Variants in FHAD1 observed in about 807,000 individuals in gnomAD.
FHAD1 encodes the protein forkhead-associated domain-containing protein 1.
A neutral mutation model predicts 191.3 loss-of-function variants in FHAD1; 146 were observed. The observed-to-expected ratio is 0.76, with a 90% CI of 0.67 to 0.88. FHAD1 has a LOEUF of 0.88. Among genes scored for constraint, FHAD1 ranks in the 40% least tolerant of loss-of-function variants. The pLI is 0.00. For synonymous variants in FHAD1, 616 were observed against 672.3 expected, an observed-to-expected ratio of 0.92 and a Z score of 1.29; for missense variants, 1,635 against 1,785.8, an observed-to-expected ratio of 0.92 and a Z score of 1.52.
chr1:15,303,748 C>G (rs1387681838), intron 6 of FHAD1, among the ~76,000 whole-genome samples: 1 of 151,446 alleles, frequency 6.6e-6, no homozygotes, highest in African/African-American at 2.4e-5. Flanking sequence ...ACTTGGGAGG[C>G]TGAGGCAGGA....
chr1:15,392,455 C>A (rs1301919147), intron 33 of FHAD1, among the ~76,000 whole-genome samples: 1 of 152,152 alleles, frequency 6.6e-6, no homozygotes, highest in Non-Finnish European at 1.5e-5. Context: ...TGGTGTGAAC[C>A]TGGGAGGCGG....
chr1:15,351,535 G>A (rs952430784), intron 19 of FHAD1, among the ~76,000 whole-genome samples: 1 of 152,150 alleles, frequency 6.6e-6, no homozygotes, highest in African/African-American at 2.4e-5. Flanking sequence ...GTTACAGCCT[G>A]CGTTTCCTTT....
chr1:15,286,300 T>G (rs1205038527), intron 3 of FHAD1, among the ~76,000 whole-genome samples: 1 of 152,144 alleles, frequency 6.6e-6, no homozygotes, highest in African/African-American at 2.4e-5. Flanking sequence ...CCCAGGAGTT[T>G]GTGACTAGCC....
chr1:15,236,878 C>A (rs1027161373), intron 1 of FHAD1, among the ~76,000 whole-genome samples: 3 of 152,070 alleles, frequency 2.0e-5, no homozygotes, highest in Non-Finnish European at 2.9e-5. Context: ...CCACACATGT[C>A]GTGGAAGGGA....
chr1:15,349,600 G>A (rs926384317), intron 19 of FHAD1, among the ~76,000 whole-genome samples: 4 of 152,220 alleles, frequency 2.6e-5, no homozygotes, highest in Admixed American at 6.5e-5. Flanking sequence ...CTCCTGGCCC[G>A]GCCTCCTGGT....
intron 2 of FHAD1, among the ~76,000 whole-genome samples, chr1:15,255,349 G>A (rs947670625): frequency 6.6e-6 from 1 of 152,110 alleles, no homozygotes; most frequent in Non-Finnish European, 1.5e-5. Flanking sequence ...TTAAAAAATT[G>A]GGAGAAAGCA....
chr1:15,284,478 CA>C (rs34856227), intron 3 of FHAD1, among the ~76,000 whole-genome samples: 67 of 118,660 alleles, frequency 5.6e-4, no homozygotes, highest in East Asian at 7.4e-4. Flanking sequence ...GACTCCATCT[CA>C]AAAAAAAAAA....
chr1:15,391,620 T>C (rs991070523), intron 33 of FHAD1, among the ~76,000 whole-genome samples: 4 of 152,204 alleles, frequency 2.6e-5, no homozygotes, highest in Non-Finnish European at 5.9e-5. Flanking sequence ...AGGCAAGCTA[T>C]CAGGAAGCTT....
chr1:15,384,145 A>G, intron 31 of FHAD1: 1 of 177,628 alleles, frequency 5.6e-6, no homozygotes, highest in Non-Finnish European at 1.2e-5. Flanking sequence ...CAACCAGGTG[A>G]GCTCCTTGCA....
At chr1:15,299,935 C>A (rs1024945227) in intron 5 of FHAD1, among the ~76,000 whole-genome samples, 21 of 152,342 alleles carry the variant, frequency 1.4e-4, no homozygotes, top group African/African-American at 3.8e-4. Flanking sequence ...TGGGCTCCAT[C>A]ATGACCAAAA....
intron 33 of FHAD1, among the ~76,000 whole-genome samples, chr1:15,395,053 C>T (rs1705462125): frequency 6.6e-6 from 1 of 152,134 alleles, no homozygotes; most frequent in South Asian, 2.1e-4. Context: ...GTGGCTCACG[C>T]CTGTAATCCC....
rs59353142 is a variant in FHAD1, at chr1:15,390,344, C to CAAAA, written c.4270-846_4270-843dup. Among the ~76,000 whole-genome samples the CAAAA allele has an allele frequency of 9.1e-4, 63 of 69,218 alleles. 1 individual carries two copies. The highest frequency in any genetic ancestry group is 3.4e-3 in the African/African-American group (60 of 17,896). The allele number at this position is 69,218 out of a possible 152,430, so 45.4% of individuals were successfully genotyped here. ...TGGGTGACAGAGTAAGACTCTGTCT[C>CAAAA]AAAAAAAAAAAAAAAAAAAAAAAGG... On this transcript the variant is annotated intron_variant, in intron 32 of 33. Transcript: ENST00000688493.
In FHAD1 at chr1:15,339,559, T is replaced by C. The variant is rs1685673770; in HGVS notation, c.1977+8T>C. On this transcript the variant is annotated splice_region_variant and intron_variant, in intron 15 of 33. Coordinates refer to ENST00000688493, the MANE Select transcript of FHAD1 (RefSeq NM_001391957.1). ...CAGGCCCAGGAACTTCAGGTAATTC[T>C]TTTAATTTCTTTTTTTCCAAAGTTC... 3.2e-6 allele frequency: 4 copies of C among 1,257,216 alleles called. No individual in the cohort carries two copies. The South Asian group carries it at 3.9e-5, about 12-fold the overall frequency. 77.9% of individuals were successfully genotyped at this position (1,257,216 alleles called of 1,614,324 possible).
intron 2 of FHAD1, among the ~76,000 whole-genome samples, chr1:15,255,790 C>A (rs1479285856): frequency 6.6e-6 from 1 of 152,190 alleles, no homozygotes; most frequent in Admixed American, 6.5e-5. Flanking sequence ...ATATGGAGAG[C>A]CTGATGGACT....
At chr1:15,365,714 T>G (rs67003441) in intron 23 of FHAD1, 113 bp from the exon 24 acceptor site, 36,702 of 671,676 alleles carry the variant, frequency 0.055, 1,289 homozygotes, top group Middle Eastern at 0.072. Flanking sequence ...GGACTGGCGT[T>G]GCATGGACCG....
chr1:15,323,592 G>A (rs192987078), intron 10 of FHAD1, among the ~76,000 whole-genome samples: 2 of 152,290 alleles, frequency 1.3e-5, no homozygotes, highest in African/African-American at 4.8e-5. Context: ...GGCTGTTTCA[G>A]AACAAAATCC....
chr1:15,373,689 C>A (rs1698764503), intron 26 of FHAD1, among the ~76,000 whole-genome samples: 2 of 151,986 alleles, frequency 1.3e-5, no homozygotes, highest in Admixed American at 1.3e-4. Context: ...CCTGTCTCTA[C>A]AAAAAAATAG....
chr1:15,249,160 T>C (rs947170200), intron 1 of FHAD1, among the ~76,000 whole-genome samples: 2 of 152,006 alleles, frequency 1.3e-5, no homozygotes, highest in African/African-American at 4.8e-5. Context: ...CAGAGAATGA[T>C]AAGCTCAAGG....
chr1:15,393,111 A>G (rs1374021001), intron 33 of FHAD1: 2 of 124,382 alleles, frequency 1.6e-5, no homozygotes, highest in African/African-American at 6.5e-5. Context: ...GTCTTGCTCT[A>G]TTGCCCAGGC....
Sources: gnomAD v4.1 joint callset for allele counts (sites outside exome capture counted in the v4.1 genomes callset) on GRCh38, gnomAD v4.1.1 for gene constraint, MANE v1.5 for transcripts, NCBI Gene and HGNC (gene_info 2026-07-23, HGNC 2026-07-21) for gene names.